ZNF438: variants seen among roughly 807,000 people sequenced by gnomAD.
ZNF438 encodes the protein zinc finger protein 438.
A neutral mutation model predicts 38.0 loss-of-function variants in ZNF438; 25 were observed. The ratio of observed to expected loss-of-function variants is 0.66; its 90% CI spans 0.48 to 0.92. The LOEUF (loss-of-function observed/expected upper bound fraction) is 0.92. ZNF438 is among the 40% of genes least tolerant of loss of function. The probability of loss-of-function intolerance (pLI) is 0.00; values close to 1 mark genes in which losing one functional copy is unlikely to be tolerated. For missense variants in ZNF438, 1,007 were observed against 999.6 expected (o/e 1.01, Z -0.10); for synonymous variants, 372 against 364.1 (o/e 1.02, Z -0.25).
In ZNF438 at chr10:30,966,306, G is replaced by A. The variant is rs569219011; in HGVS notation, c.-191-24655C>T. Reference sequence around the variant, plus strand: ...GATCATGCCACTGTACTACAGTCTGGGTGACAGAGTGAGCTCCTGTTTCAA... The same window carrying A: ...GATCATGCCACTGTACTACAGTCTGAGTGACAGAGTGAGCTCCTGTTTCAA... On this transcript the variant is annotated intron_variant, in intron 1 of 5. Coordinates refer to ENST00000413025, the Ensembl canonical transcript of ZNF438. 3.9e-5 allele frequency among the ~76,000 whole-genome samples: 6 copies of A among 152,134 alleles called. No homozygotes were observed. In the South Asian group the frequency reaches 1.2e-3, roughly 32 times the overall value.
chr10:30,992,220 C>T (rs79648327), intron 1 of ZNF438, among the ~76,000 whole-genome samples: 1,806 of 152,192 alleles, frequency 0.012, 36 homozygotes, highest in African/African-American at 0.041. Context: ...CAGACTGAGA[C>T]ATAAAATTGG....
At chr10:30,902,139 G>A (rs1332301657) in intron 3 of ZNF438, among the ~76,000 whole-genome samples, 4 of 152,154 alleles carry the variant, frequency 2.6e-5, no homozygotes, top group African/African-American at 7.2e-5. Context: ...TGAGAGGGTT[G>A]CCATGGCTGG....
At chr10:30,989,073 C>T (rs966853858) in intron 1 of ZNF438, among the ~76,000 whole-genome samples, 1 of 152,140 alleles carries the variant, frequency 6.6e-6, no homozygotes, top group African/African-American at 2.4e-5. Context: ...CATAGAAATG[C>T]TGAGTTTCCA....
At chr10:30,937,892 G>T (rs888367937) in intron 2 of ZNF438, among the ~76,000 whole-genome samples, 1 of 152,172 alleles carries the variant, frequency 6.6e-6, no homozygotes, top group African/African-American at 2.4e-5. Context: ...CAGTGCTTGA[G>T]GGACAGAGGC....
At chr10:30,871,523 ATAAG>A (rs778669240) in intron 4 of ZNF438, among the ~76,000 whole-genome samples, 1 of 152,220 alleles carries the variant, frequency 6.6e-6, no homozygotes, top group Non-Finnish European at 1.5e-5. Context: ...TAAGTCCAAA[ATAAG>A]TAAGGTCTTT....
chr10:30,850,344 T>C (rs773829685), exon 5 of ZNF438: 1 of 1,612,596 alleles, frequency 6.2e-7, no homozygotes, highest in Admixed American at 1.7e-5. Flanking sequence ...CTCTGTATTG[T>C]TCCAGAAGGG....
At chr10:30,875,487 T>C in intron 4 of ZNF438, 1 of 985,312 alleles carries the variant, frequency 1.0e-6, no homozygotes. Flanking sequence ...CATTATTTTT[T>C]CTCCTAAGCT....
chr10:30,875,609 AAC>A (rs1243717729), intron 4 of ZNF438: 3 of 980,068 alleles, frequency 3.1e-6, no homozygotes, highest in Non-Finnish European at 3.6e-6. Flanking sequence ...TATACCAGAG[AAC>A]ACTCAAGAAA....
chr10:30,876,306 T>C (rs2038406064), intron 4 of ZNF438, among the ~76,000 whole-genome samples: 1 of 152,264 alleles, frequency 6.6e-6, no homozygotes, highest in South Asian at 2.1e-4. Context: ...AGAACTTCTC[T>C]TCTGTGTGGA....
chr10:30,846,371 T>C (rs1482201635), intron 5 of ZNF438, among the ~76,000 whole-genome samples: 20 of 152,234 alleles, frequency 1.3e-4, no homozygotes, highest in Non-Finnish European at 2.5e-4. Flanking sequence ...CACCTGCACC[T>C]TGCCTGCTGT....
In ZNF438 at chr10:30,914,537, G is replaced by T. The variant is rs1045579989; in HGVS notation, c.-114-5522C>A. 3.3e-5 allele frequency among the ~76,000 whole-genome samples: 5 copies of T among 152,082 alleles called. No homozygotes were observed. In the East Asian group the frequency reaches 9.7e-4, roughly 29 times the overall value. The stretch of plus-strand genomic sequence containing the variant: ...TGTTAATATCCTGGATGTTACCACT[G>T]GGGGGATTGTGTAAGCGGTGCATGG... On this transcript the variant is annotated intron_variant, in intron 2 of 5. Coordinates refer to ENST00000413025, the Ensembl canonical transcript of ZNF438.
At chr10:30,995,004 C>T (rs1564816280) in intron 1 of ZNF438, among the ~76,000 whole-genome samples, 1 of 149,580 alleles carries the variant, frequency 6.7e-6, no homozygotes, top group African/African-American at 2.5e-5. Context: ...CACTATACTC[C>T]AGCCTGGGTG....
At chr10:30,929,641 T>C (rs2045395944) in intron 2 of ZNF438, among the ~76,000 whole-genome samples, 2 of 152,210 alleles carry the variant, frequency 1.3e-5, no homozygotes, top group South Asian at 4.1e-4. Context: ...CTGCTTTTAT[T>C]CCCTTATCTG....
At chr10:30,952,096 G>A (rs1039277645) in intron 1 of ZNF438, among the ~76,000 whole-genome samples, 1 of 151,302 alleles carries the variant, frequency 6.6e-6, no homozygotes, top group East Asian at 1.9e-4. Context: ...AAATAACGCT[G>A]CCTATCTACA....
At chr10:30,902,627 T>C (rs1048705515) in intron 3 of ZNF438, among the ~76,000 whole-genome samples, 1 of 152,158 alleles carries the variant, frequency 6.6e-6, no homozygotes. Context: ...CACAGAGCGC[T>C]GATTGGTGCA....
intron 2 of ZNF438, among the ~76,000 whole-genome samples, chr10:30,914,320 A>C (rs1249256311): frequency 6.6e-6 from 1 of 152,006 alleles, no homozygotes; most frequent in Non-Finnish European, 1.5e-5. Flanking sequence ...AGGGGTGGGA[A>C]GTGGGAAGGT....
intron 1 of ZNF438, among the ~76,000 whole-genome samples, chr10:30,949,986 A>T (rs2047966789): frequency 6.6e-6 from 1 of 152,240 alleles, no homozygotes; most frequent in Admixed American, 6.5e-5. Flanking sequence ...AAAATTGACC[A>T]CATACTTGGT....
intron 3 of ZNF438, among the ~76,000 whole-genome samples, chr10:30,904,248 G>T (rs2042351335): frequency 6.6e-6 from 1 of 152,166 alleles, no homozygotes. Context: ...TCATAACAAA[G>T]TTTATCATGA....
intron 1 of ZNF438, among the ~76,000 whole-genome samples, chr10:31,004,916 T>G (rs143981836): frequency 1.2e-4 from 19 of 152,358 alleles, no homozygotes; most frequent in Middle Eastern, 3.4e-3. Flanking sequence ...TTCTTGATAT[T>G]ATTAAGCAAA....
Sources: gnomAD v4.1 joint callset for allele counts (sites outside exome capture counted in the v4.1 genomes callset) on GRCh38, gnomAD v4.1.1 for gene constraint, MANE v1.5 for transcripts, NCBI Gene and HGNC (gene_info 2026-07-23, HGNC 2026-07-21) for gene names.